The following CDH18 variants were observed in gnomAD, a reference collection of about 807,000 sequenced individuals.
CDH18 encodes the protein cadherin 18, also known as cadherin-18.
In CDH18, 31 loss-of-function variants were observed where a neutral mutation model predicts 67.9. The observed-to-expected ratio is 0.46, with a 90% CI of 0.34 to 0.62. The LOEUF is 0.62. Ranked by LOEUF, CDH18 falls within the 20% of genes least tolerant of loss-of-function variation. The pLI, the probability that CDH18 is intolerant of heterozygous loss-of-function variation, is 0.01. For synonymous variants in CDH18, 362 were observed against 347.2 expected (o/e 1.04, Z -0.48); for missense variants, 890 against 975.5 (o/e 0.91, Z 1.17).
chr5:19,853,414 C>A (rs4629603), intron 2 of CDH18, among the ~76,000 whole-genome samples: 1 of 151,984 alleles, frequency 6.6e-6, no homozygotes, highest in African/African-American at 2.4e-5. Flanking sequence ...CCTGGGGGTT[C>A]AGCCTTGGGC....
At chr5:19,952,433 T>A (rs1275355149) in intron 2 of CDH18, among the ~76,000 whole-genome samples, 2 of 152,056 alleles carry the variant, frequency 1.3e-5, no homozygotes, top group Non-Finnish European at 2.9e-5. Context: ...GTTCCAAGAG[T>A]CTGGTTAACT....
chr5:19,476,531 A>T (rs1056357580), intron 12 of CDH18, among the ~76,000 whole-genome samples: 1 of 152,096 alleles, frequency 6.6e-6, no homozygotes, highest in Admixed American at 6.6e-5. Context: ...CAGTTTTCTA[A>T]TTCAAAGCTC....
At chr5:19,507,627 C>T (rs1342039609) in intron 10 of CDH18, among the ~76,000 whole-genome samples, 1 of 152,002 alleles carries the variant, frequency 6.6e-6, no homozygotes, top group African/African-American at 2.4e-5. Context: ...AAGCTGGAAA[C>T]CGTCATTCTG....
At chr5:19,682,932 G>C (rs572703918) in intron 5 of CDH18, among the ~76,000 whole-genome samples, 2 of 151,840 alleles carry the variant, frequency 1.3e-5, no homozygotes, top group Non-Finnish European at 2.9e-5. Context: ...TTACTACTAC[G>C]GGAGTTAATT....
intron 5 of CDH18, among the ~76,000 whole-genome samples, chr5:19,657,090 G>C (rs1277647321): frequency 6.6e-6 from 1 of 151,966 alleles, no homozygotes; most frequent in Non-Finnish European, 1.5e-5. Context: ...TTAGGACAGT[G>C]CTAATCATTT....
chr5:20,017,709 AG>A (rs2150426132), intron 2 of CDH18, among the ~76,000 whole-genome samples: 1 of 152,322 alleles, frequency 6.6e-6, no homozygotes, highest in South Asian at 2.1e-4. Context: ...TAGTTACTTT[AG>A]CCTTGAAGCC....
intron 1 of CDH18, among the ~76,000 whole-genome samples, chr5:20,460,473 G>A (rs558672407): frequency 1.5e-3 from 225 of 151,896 alleles, no homozygotes; most frequent in African/African-American, 4.9e-3. Context: ...CATCTTATCC[G>A]GGGCAGGTAC....
chr5:19,816,016 A>G (rs1309772897), intron 3 of CDH18, among the ~76,000 whole-genome samples: 1 of 151,920 alleles, frequency 6.6e-6, no homozygotes, highest in Non-Finnish European at 1.5e-5. Context: ...ACAGTTATAA[A>G]CAGATACACC....
chr5:19,483,721 C>T (rs1187801151), intron 11 of CDH18, among the ~76,000 whole-genome samples, 169 bp from the exon 12 acceptor site: 2 of 152,006 alleles, frequency 1.3e-5, no homozygotes, highest in Non-Finnish European at 2.9e-5. Flanking sequence ...ATTGGTTCTC[C>T]AACTGAGAAA....
intron 2 of CDH18, among the ~76,000 whole-genome samples, chr5:20,254,502 G>T (rs1353630302): frequency 6.6e-6 from 1 of 152,166 alleles, no homozygotes; most frequent in Non-Finnish European, 1.5e-5. Context: ...TAAAACCTTT[G>T]TTAGATAAGC....
At chr5:19,960,593 A>G (rs1048599120) in intron 2 of CDH18, among the ~76,000 whole-genome samples, 33 of 130,708 alleles carry the variant, frequency 2.5e-4, no homozygotes, top group East Asian at 1.1e-3. Flanking sequence ...GTGTGTGTAT[A>G]TATATATATA....
At chr5:20,504,725 C>A (rs1408804702) in intron 1 of CDH18, among the ~76,000 whole-genome samples, 1 of 145,198 alleles carries the variant, frequency 6.9e-6, no homozygotes, top group Non-Finnish European at 1.5e-5. Context: ...AAAATAAAGT[C>A]TTTTGGCAGG....
chr5:20,474,864 A>G (rs1222326215), intron 1 of CDH18, among the ~76,000 whole-genome samples: 3 of 152,066 alleles, frequency 2.0e-5, no homozygotes, highest in Non-Finnish European at 4.4e-5. Flanking sequence ...AACCTCTAAG[A>G]CTCAAACATT....
At chr5:19,529,717 GA>G (rs1462439836) in intron 9 of CDH18, among the ~76,000 whole-genome samples, 1 of 151,994 alleles carries the variant, frequency 6.6e-6, no homozygotes, top group Non-Finnish European at 1.5e-5. Context: ...TATATAACAT[GA>G]ATAAACATGA....
chr5:20,530,705 C>T (rs972673658), intron 1 of CDH18, among the ~76,000 whole-genome samples: 3 of 151,974 alleles, frequency 2.0e-5, no homozygotes, highest in Non-Finnish European at 4.4e-5. Context: ...TGAAACTGTT[C>T]CCCTTCTTTA....
Position 19,541,460 on chromosome 5 carries a change from A to C in CDH18, c.1390+2409T>G, listed in dbSNP as rs115176820. Among the ~76,000 whole-genome samples, 782 of 152,206 alleles carry C rather than the reference A, an allele frequency of 5.1e-3. 3 individuals carry two copies. The highest frequency in any genetic ancestry group is 0.018 in the African/African-American group (750 of 41,520). On this transcript the variant is annotated intron_variant, in intron 9 of 12. Transcript: ENST00000382275. ...TATCTTTACAGCACTACCCCGCTCT[A>C]CTGGTATCAATTTACTGTGTTAGTC...
chr5:19,914,035 G>A (rs1348265883), intron 2 of CDH18, among the ~76,000 whole-genome samples: 5 of 152,104 alleles, frequency 3.3e-5, no homozygotes, highest in Admixed American at 2.0e-4. Context: ...CAGATAGTGT[G>A]CTTGTATTGA....
At position 20,523,627 on chromosome 5, in the gene CDH18, G is replaced by A. The variant is rs571584056; in HGVS notation, c.-580+51835C>T. ...GCGATCTCCAGTCACTGTAACCTCC[G>A]CCTCCCAGGTTCAAGCAATTCTCCT... On this transcript the variant is annotated intron_variant, in intron 1 of 14. Coordinates refer to the CDH18 transcript ENST00000507958. 1.6e-4 allele frequency among the ~76,000 whole-genome samples: 24 copies of A among 152,142 alleles called. No homozygotes were observed. In the East Asian group the frequency reaches 3.9e-3, roughly 25 times the overall value.
At chr5:19,490,924 A>G (rs957315063) in intron 11 of CDH18, among the ~76,000 whole-genome samples, 1 of 152,162 alleles carries the variant, frequency 6.6e-6, no homozygotes, top group Non-Finnish European at 1.5e-5. Flanking sequence ...CAATTAATAG[A>G]GTTTGAAATA....
Sources: gnomAD v4.1 joint callset for allele counts (sites outside exome capture counted in the v4.1 genomes callset) on GRCh38, gnomAD v4.1.1 for gene constraint, MANE v1.5 for transcripts, NCBI Gene and HGNC (gene_info 2026-07-23, HGNC 2026-07-21) for gene names.